The following TEAD3 variants were observed in gnomAD, a reference collection of about 807,000 sequenced individuals.
TEAD3 encodes the protein TEA domain transcription factor 3, also known as transcriptional enhancer factor TEF-5.
TEAD3 carries 15 observed loss-of-function variants against 55.6 expected under a neutral mutation model. That is an observed-to-expected ratio of 0.27 (90% confidence interval 0.18 to 0.42). The LOEUF is 0.42. Ranked by LOEUF, TEAD3 falls within the 10% of genes least tolerant of loss-of-function variation. The probability of loss-of-function intolerance (pLI) is 1.00; values close to 1 mark genes in which losing one functional copy is unlikely to be tolerated. For synonymous variants in TEAD3, 210 were observed against 232.2 expected (o/e 0.90, Z 0.87); for missense variants, 407 against 576.8 (o/e 0.71, Z 3.01).
chr6:35,475,787 G>A lies in TEAD3; in HGVS notation c.901-81C>T, dbSNP rs906369131. The stretch of plus-strand genomic sequence containing the variant: ...CACACCACATCAGAGTCCTGCCCAA[G>A]GATCCATCTCTGGCACTCTGCCCAC... On this transcript the variant is annotated intron_variant, in intron 10 of 12. Coordinates refer to ENST00000639578, the Ensembl canonical transcript of TEAD3. The surrounding 1 kb of genome is among the most constrained non-coding windows in gnomAD (Gnocchi z 5.4). The A allele has an allele frequency of 8.6e-6, 13 of 1,516,606 alleles. No individual in the cohort carries two copies. The highest frequency in any genetic ancestry group is 1.1e-5 in the Non-Finnish European group (12 of 1,133,312). 93.9% of individuals were successfully genotyped at this position (1,516,606 alleles called of 1,614,324 possible). A position where few individuals can be genotyped will look rare whatever the true frequency, so the allele number is the denominator to read the frequency against.
chr6:35,477,009 C>T (rs543800115), intron 8 of TEAD3, among the ~76,000 whole-genome samples: 47 of 152,032 alleles, frequency 3.1e-4, no homozygotes, highest in African/African-American at 1.1e-3. Flanking sequence ...TTAGTAGAGA[C>T]GGGGTTTCAC....
In TEAD3 at chr6:35,484,697, C is replaced by T. The variant is rs375328072; in HGVS notation, c.203-73G>A. ...CAGAGGCTGGAGGCCCCCACCCCAC[C>T]GGGAAGCCACTCCAGGACCCTCCCC... On this transcript the variant is annotated intron_variant, in intron 2 of 12. Coordinates refer to ENST00000639578, the Ensembl canonical transcript of TEAD3. The surrounding 1 kb of genome is among the most constrained non-coding windows in gnomAD (Gnocchi z 5.8). The T allele has an allele frequency of 1.5e-5, 20 of 1,344,346 alleles. No individual in the cohort carries two copies. The highest frequency in any genetic ancestry group is 7.5e-5 in the East Asian group (3 of 40,052). The allele number at this position is 1,344,346 out of a possible 1,614,324, so 83.3% of individuals were successfully genotyped here.
At chr6:35,494,871 GC>G (rs1186293389) in intron 1 of TEAD3, among the ~76,000 whole-genome samples, 1 of 133,848 alleles carries the variant, frequency 7.5e-6, no homozygotes, top group African/African-American at 2.9e-5. Flanking sequence ...CTTGACACCT[GC>G]CCCCCGCCAC....
intron 1 of TEAD3, among the ~76,000 whole-genome samples, chr6:35,494,387 C>T (rs1768595955): frequency 1.3e-5 from 2 of 152,212 alleles, no homozygotes; most frequent in Non-Finnish European, 2.9e-5. Flanking sequence ...GAGCCCTTTC[C>T]CTGGCAGGGT....
intron 1 of TEAD3, among the ~76,000 whole-genome samples, chr6:35,495,673 C>T (rs1243102120): frequency 6.6e-6 from 1 of 152,136 alleles, no homozygotes; most frequent in Non-Finnish European, 1.5e-5. Context: ...GGACATAATT[C>T]CCCCAAATCT....
At chr6:35,477,432 C>T in intron 7 of TEAD3, 60 bp from the exon 8 acceptor site, 1 of 1,517,650 alleles carries the variant, frequency 6.6e-7, no homozygotes, top group Non-Finnish European at 8.8e-7. Context: ...CCACCTGGCC[C>T]AGCCCCTCTT....
intron 1 of TEAD3, among the ~76,000 whole-genome samples, chr6:35,493,668 G>C (rs1768580982): frequency 6.6e-6 from 1 of 152,202 alleles, no homozygotes; most frequent in Admixed American, 6.5e-5. Context: ...AGACAAACCT[G>C]AGGCCATCTC....
At position 35,476,552 on chromosome 6, in the gene TEAD3, T is replaced by A. The variant is rs1360526417; in HGVS notation, c.593-117A>T. On this transcript the variant is annotated intron_variant, in intron 8 of 12. Transcript: ENST00000639578. ...GAAGGAACATGAGTTGGATTTTGAC[T>A]CCCCTACTATGTGTCCTTGTACAGT... 2.0e-5 allele frequency: 24 copies of A among 1,172,822 alleles called. No homozygotes were observed. In the African/African-American group the frequency reaches 3.2e-4, roughly 16 times the overall value. The allele number at this position is 1,172,822 out of a possible 1,614,324, so 72.7% of individuals were successfully genotyped here. A position where few individuals can be genotyped will look rare whatever the true frequency, so the allele number is the denominator to read the frequency against.
At chr6:35,487,778 T>A (rs1243736915) in intron 1 of TEAD3, among the ~76,000 whole-genome samples, 1 of 151,416 alleles carries the variant, frequency 6.6e-6, no homozygotes, top group Non-Finnish European at 1.5e-5. Flanking sequence ...CAAAAAACAC[T>A]AAAGCAGGGA....
At chr6:35,489,911 A>G (rs951723949) in intron 1 of TEAD3, among the ~76,000 whole-genome samples, 4 of 151,934 alleles carry the variant, frequency 2.6e-5, no homozygotes, top group African/African-American at 9.7e-5. Context: ...CAAAAAGAAA[A>G]AATTAAGGGG....
chr6:35,495,228 G>A (rs371671513), intron 1 of TEAD3, among the ~76,000 whole-genome samples: 2 of 152,172 alleles, frequency 1.3e-5, no homozygotes, highest in African/African-American at 4.8e-5. Context: ...AAATCCTCCC[G>A]GTTTTAACAT....
rs368596644 is a variant in TEAD3 at position 35,475,417 on chromosome 6, C to A, written c.1113G>T (p.Met371Ile). The change falls in exon 12 of 13, where the codon ATG (methionine) becomes ATT (isoleucine). Residue 371 changes from methionine (M) to isoleucine (I), a missense_variant. Physicochemically the swap from Met to Ile is conservative, Grantham distance 10. Transcript: ENST00000639578. This position sits in a 1 kb window ranked among gnomAD's most constrained non-coding sequence, Gnocchi z 5.4. ...GCTTCAGCTTGTGGATGAAGTTGAT[C>A]ATGTACTCGCACATGGGCGAGCGGT... 10 of 1,613,938 alleles carry A rather than the reference C, an allele frequency of 6.2e-6. No homozygotes were observed. The East Asian group carries it at 1.3e-4, about 22-fold the overall frequency.
chr6:35,480,770 C>T (rs1220789818), intron 3 of TEAD3, among the ~76,000 whole-genome samples: 1 of 152,190 alleles, frequency 6.6e-6, no homozygotes, highest in African/African-American at 2.4e-5. Context: ...TGAAATCCAG[C>T]CCAAGTTCTG....
intron 3 of TEAD3, among the ~76,000 whole-genome samples, chr6:35,481,340 C>T (rs376921018): frequency 6.6e-6 from 1 of 152,114 alleles, no homozygotes; most frequent in Non-Finnish European, 1.5e-5. Flanking sequence ...AGATCCTTGA[C>T]GCCGCTTCAC....
intron 8 of TEAD3, 131 bp downstream of exon 8, chr6:35,477,180 C>T: frequency 5.5e-6 from 5 of 911,220 alleles, no homozygotes; most frequent in Non-Finnish European, 6.8e-6. Flanking sequence ...AGGGGCTATT[C>T]CTGGCCTGTC....
At position 35,476,295 on chromosome 6, in the gene TEAD3, AC is replaced by A. The variant is rs755495833; in HGVS notation, c.726+6del. On this transcript the variant is annotated splice_donor_region_variant and intron_variant, in intron 9 of 12. Coordinates refer to ENST00000639578, the Ensembl canonical transcript of TEAD3. ...CAAAGCCTCACCCTCACCCCCAAACACGTTACCGTGTCAGGGTCTCGCTGCA... is the reference window on the plus strand; with the variant it reads ...CAAAGCCTCACCCTCACCCCCAAACAGTTACCGTGTCAGGGTCTCGCTGCA... The A allele has an allele frequency of 4.3e-6, 7 of 1,611,056 alleles. No individual in the cohort carries two copies. The South Asian group carries it at 4.4e-5, about 10-fold the overall frequency.
At chr6:35,495,824 C>T (rs1295205144) in intron 1 of TEAD3, among the ~76,000 whole-genome samples, 1 of 152,204 alleles carries the variant, frequency 6.6e-6, no homozygotes, top group East Asian at 1.9e-4. Context: ...TGTGTCCAGC[C>T]CCTACCCCTA....
Position 35,486,331 on chromosome 6 carries a change from C to T in TEAD3, c.202+130G>A. The T allele has an allele frequency of 1.1e-5, 12 of 1,106,566 alleles. 1 individual carries two copies. The South Asian group carries it at 1.7e-4, about 16-fold the overall frequency. The allele number at this position is 1,106,566 out of a possible 1,614,324, so 68.5% of individuals were successfully genotyped here. ...GGAGGAGCGCGGAGGAGGATCCAGA[C>T]ACACAGGCTTGCGCGCCCAGACTCG... On this transcript the variant is annotated intron_variant, in intron 2 of 12. Coordinates refer to ENST00000639578, the Ensembl canonical transcript of TEAD3. This position sits in a 1 kb window ranked among gnomAD's most constrained non-coding sequence, Gnocchi z 7.3.
chr6:35,489,441 G>T (rs1386496184), intron 1 of TEAD3, among the ~76,000 whole-genome samples: 1 of 152,190 alleles, frequency 6.6e-6, no homozygotes, highest in Non-Finnish European at 1.5e-5. Flanking sequence ...AGGTTCAGCT[G>T]TCACAGCAAC....
Sources: gnomAD v4.1 joint callset for allele counts (sites outside exome capture counted in the v4.1 genomes callset) on GRCh38, gnomAD v4.1.1 for gene constraint, Gnocchi (gnomAD v3.1) non-coding constraint, MANE v1.5 for transcripts, NCBI Gene and HGNC (gene_info 2026-07-23, HGNC 2026-07-21) for gene names.